Variants in PICALM observed in about 807,000 individuals in gnomAD.
The protein encoded by PICALM is phosphatidylinositol-binding clathrin assembly protein.
PICALM carries 40 observed loss-of-function variants against 80.5 expected under a neutral mutation model. The ratio of observed to expected loss-of-function variants is 0.50; its 90% CI spans 0.39 to 0.65. The LOEUF is 0.65. Among genes scored for constraint, PICALM ranks in the 30% least tolerant of loss-of-function variants. PICALM has a pLI of 0.00. For missense variants in PICALM, 676 were observed against 778.9 expected (o/e 0.87, Z 1.57); for synonymous variants, 288 against 260.3 (o/e 1.11, Z -1.02).
chr11:85,981,475 G>T (rs1285004076), intron 16 of PICALM, among the ~76,000 whole-genome samples: 1 of 152,108 alleles, frequency 6.6e-6, no homozygotes, highest in Non-Finnish European at 1.5e-5. Context: ...AGGCATGGTG[G>T]TGGGTGCCTG....
intron 4 of PICALM, among the ~76,000 whole-genome samples, chr11:86,016,648 T>C (rs2095485261): frequency 1.3e-5 from 2 of 152,194 alleles, no homozygotes; most frequent in Admixed American, 6.5e-5. Flanking sequence ...CATAGCTGAG[T>C]GCTGGTAAAG....
chr11:85,994,613 G>A, intron 12 of PICALM, among the ~76,000 whole-genome samples: 1 of 152,166 alleles, frequency 6.6e-6, no homozygotes, highest in South Asian at 2.1e-4. Flanking sequence ...TACTATAACA[G>A]CAGCATTATA....
At chr11:85,987,843 C>G (rs1413404775) in intron 13 of PICALM, among the ~76,000 whole-genome samples, 1 of 152,190 alleles carries the variant, frequency 6.6e-6, no homozygotes, top group African/African-American at 2.4e-5. Context: ...GTTACATAGT[C>G]ATGTATGTAA....
intron 3 of PICALM, 76 bp from the exon 4 acceptor site, chr11:86,022,545 C>A (rs995527987): frequency 2.7e-6 from 2 of 733,814 alleles, no homozygotes; most frequent in African/African-American, 3.7e-5. Context: ...CCCAATATGC[C>A]TAGAAAAACA....
intron 1 of PICALM, among the ~76,000 whole-genome samples, chr11:86,047,210 CTAAT>C: frequency 6.6e-6 from 1 of 152,344 alleles, no homozygotes; most frequent in Non-Finnish European, 1.5e-5. Flanking sequence ...ATCATTTTCT[CTAAT>C]TACTCTAAAC....
chr11:86,005,712 C>T (rs913021334), intron 8 of PICALM, among the ~76,000 whole-genome samples: 2 of 151,542 alleles, frequency 1.3e-5, no homozygotes, highest in Non-Finnish European at 1.5e-5. Context: ...CTTTTCTCTC[C>T]CTCCCCCAAC....
intron 17 of PICALM, among the ~76,000 whole-genome samples, chr11:85,980,587 A>AT (rs1370153854): frequency 6.6e-6 from 1 of 152,220 alleles, no homozygotes; most frequent in Non-Finnish European, 1.5e-5. Flanking sequence ...TGCCAAACAC[A>AT]TTGTCATATA....
intron 17 of PICALM, among the ~76,000 whole-genome samples, chr11:85,978,998 G>A (rs615887): frequency 0.24 from 35,844 of 151,936 alleles, 4,465 homozygotes; most frequent in African/African-American, 0.31. Flanking sequence ...ATAGTGGGAA[G>A]AAGACTGGAT....
At chr11:86,031,677 CTG>C in intron 1 of PICALM, 66 bp from the exon 2 acceptor site, 1 of 1,176,150 alleles carries the variant, frequency 8.5e-7, no homozygotes, top group Non-Finnish European at 1.2e-6. Flanking sequence ...AATACCAGAT[CTG>C]CATACAAACA....
At chr11:86,053,173 A>G (rs1275509266) in intron 1 of PICALM, among the ~76,000 whole-genome samples, 1 of 152,228 alleles carries the variant, frequency 6.6e-6, no homozygotes, top group African/African-American at 2.4e-5. Context: ...GACACTGTTA[A>G]TTAAATTTGG....
chr11:86,021,196 T>A lies in PICALM; in HGVS notation c.452+1171A>T, dbSNP rs191113427. On this transcript the variant is annotated intron_variant, in intron 4 of 19. Transcript: ENST00000393346. Reference sequence around the variant, plus strand: ...GAACTCATTTGTATGAAAATTTTTTTAAAAATTAACTGAGCATAGTGTTGC... The same window carrying A: ...GAACTCATTTGTATGAAAATTTTTTAAAAAATTAACTGAGCATAGTGTTGC... Among the ~76,000 whole-genome samples, 178 of 152,166 alleles carry A rather than the reference T, an allele frequency of 1.2e-3. 1 individual carries two copies. Among genetic ancestry groups the A allele is most frequent in the South Asian group, 2.9e-3 (14 of 4,818 alleles).
intron 1 of PICALM, among the ~76,000 whole-genome samples, chr11:86,056,852 A>G (rs966055214): frequency 5.3e-5 from 8 of 152,240 alleles, no homozygotes; most frequent in Non-Finnish European, 1.2e-4. Flanking sequence ...AAATGAATAA[A>G]GTACTGATAT....
chr11:86,041,820 A>G (rs375270775), intron 1 of PICALM, among the ~76,000 whole-genome samples: 2 of 152,190 alleles, frequency 1.3e-5, no homozygotes, highest in Non-Finnish European at 1.5e-5. Context: ...TTTACCCACT[A>G]ATGTCATAAA....
intron 19 of PICALM, 167 bp downstream of exon 19, chr11:85,974,541 T>C (rs2094212553): frequency 1.4e-6 from 1 of 717,616 alleles, no homozygotes. Flanking sequence ...CTCCAAATAA[T>C]CAATATTCCT....
At chr11:86,056,552 G>GGAAC (rs1413514870) in intron 1 of PICALM, among the ~76,000 whole-genome samples, 1 of 151,966 alleles carries the variant, frequency 6.6e-6, no homozygotes, top group Non-Finnish European at 1.5e-5. Context: ...AGGAGAAACA[G>GGAAC]GAATCTTCAT....
At chr11:85,979,358 T>C (rs1263870159) in intron 17 of PICALM, among the ~76,000 whole-genome samples, 2 of 151,602 alleles carry the variant, frequency 1.3e-5, no homozygotes, top group African/African-American at 4.8e-5. Flanking sequence ...GACCTGGTGG[T>C]GGGCACCTGT....
intron 1 of PICALM, among the ~76,000 whole-genome samples, chr11:86,048,412 A>G (rs941411089): frequency 6.6e-6 from 1 of 152,200 alleles, no homozygotes; most frequent in Non-Finnish European, 1.5e-5. Context: ...ACAAAAATAA[A>G]TGAGGGTTTA....
At position 86,003,704 on chromosome 11, in the gene PICALM, T is replaced by A. The variant is rs571642510; in HGVS notation, c.808-253A>T. The A allele has an allele frequency of 5.8e-5, 17 of 293,478 alleles. No individual in the cohort carries two copies. The South Asian group carries it at 9.7e-4, about 17-fold the overall frequency. 18.2% of individuals were successfully genotyped at this position (293,478 alleles called of 1,614,324 possible). ...AACTATGTAAACATGAAACATTTTT[T>A]AAAAATCTTGCAAGTACTTAAATTT... On this transcript the variant is annotated intron_variant, in intron 8 of 19. Coordinates refer to ENST00000393346, the MANE Select transcript of PICALM (RefSeq NM_007166.4).
chr11:86,047,695 T>C (rs1047132197), intron 1 of PICALM, among the ~76,000 whole-genome samples: 1 of 152,166 alleles, frequency 6.6e-6, no homozygotes, highest in African/African-American at 2.4e-5. Flanking sequence ...TCTTGGTTAG[T>C]CATTAAGTTA....
Sources: gnomAD v4.1 joint callset for allele counts (sites outside exome capture counted in the v4.1 genomes callset) on GRCh38, gnomAD v4.1.1 for gene constraint, MANE v1.5 for transcripts, NCBI Gene and HGNC (gene_info 2026-07-23, HGNC 2026-07-21) for gene names.